The following CCDC178 variants were observed in gnomAD, a reference collection of about 807,000 sequenced individuals.
CCDC178 encodes the protein coiled-coil domain containing 178.
CCDC178 carries 126 observed loss-of-function variants against 117.4 expected under a neutral mutation model. The observed-to-expected ratio is 1.07, with a 90% CI of 0.93 to 1.24. The LOEUF (loss-of-function observed/expected upper bound fraction) is 1.24, where lower values mean the gene tolerates loss of function less well. Among genes scored for constraint, CCDC178 ranks in the 50% most tolerant of loss-of-function variants. The probability of loss-of-function intolerance (pLI) is 0.00; values close to 1 mark genes in which losing one functional copy is unlikely to be tolerated. For missense variants in CCDC178, 1,030 were observed against 986.9 expected (o/e 1.04, Z -0.59); for synonymous variants, 283 against 313.4 (o/e 0.90, Z 1.02).
At chr18:33,394,943 G>GTATATATATATATATATATA (rs61298209) in intron 4 of CCDC178, among the ~76,000 whole-genome samples, 6 of 61,498 alleles carry the variant, frequency 9.8e-5, no homozygotes, top group Admixed American at 2.4e-4. Flanking sequence ...ATATGTATGT[G>GTATATATATATATATATATA]TATATATATA....
intron 20 of CCDC178, among the ~76,000 whole-genome samples, chr18:33,115,435 G>A (rs2057843013): frequency 6.6e-6 from 1 of 151,932 alleles, no homozygotes; most frequent in African/African-American, 2.4e-5. Context: ...AGAAATAATA[G>A]TGATACCAAG....
At chr18:33,015,605 A>C (rs1452268425) in intron 21 of CCDC178, among the ~76,000 whole-genome samples, 1 of 152,016 alleles carries the variant, frequency 6.6e-6, no homozygotes, top group Non-Finnish European at 1.5e-5. Context: ...CAAAAACAGG[A>C]AACCATGGCT....
intron 2 of CCDC178, among the ~76,000 whole-genome samples, chr18:33,420,536 G>A (rs2064010433): frequency 6.6e-6 from 1 of 152,170 alleles, no homozygotes; most frequent in Middle Eastern, 3.4e-3. Context: ...TGTATTTTTA[G>A]TAGAGATGGG....
At chr18:33,139,023 G>A (rs2058163939) in intron 20 of CCDC178, among the ~76,000 whole-genome samples, 1 of 152,226 alleles carries the variant, frequency 6.6e-6, no homozygotes, top group Non-Finnish European at 1.5e-5. Flanking sequence ...GAACTCAGTG[G>A]GAGGTAATTG....
chr18:33,225,086 A>G (rs1346040659), intron 16 of CCDC178, 150 bp from the exon 17 acceptor site: 3 of 284,236 alleles, frequency 1.1e-5, no homozygotes, highest in African/African-American at 6.7e-5. Context: ...CGAATGTAAT[A>G]TATATTACAT....
chr18:33,084,248 C>T (rs763664895), intron 21 of CCDC178, among the ~76,000 whole-genome samples: 14 of 152,118 alleles, frequency 9.2e-5, no homozygotes, highest in Non-Finnish European at 1.9e-4. Context: ...GTTTTATCAG[C>T]GTCCAAAAAA....
chr18:33,084,661 A>T (rs1156231718), intron 21 of CCDC178, among the ~76,000 whole-genome samples: 2 of 151,762 alleles, frequency 1.3e-5, no homozygotes, highest in Non-Finnish European at 2.9e-5. Flanking sequence ...AAATACAAAA[A>T]ATTAGCTGGG....
At chr18:33,092,233 A>G (rs770018728) in intron 21 of CCDC178, among the ~76,000 whole-genome samples, 41 of 152,146 alleles carry the variant, frequency 2.7e-4, no homozygotes, top group Non-Finnish European at 4.9e-4. Flanking sequence ...TCTGATTCAT[A>G]GCATATTGTG....
chr18:33,186,804 T>C (rs2058800317), intron 20 of CCDC178, among the ~76,000 whole-genome samples: 1 of 152,052 alleles, frequency 6.6e-6, no homozygotes, highest in Non-Finnish European at 1.5e-5. Context: ...AGATTAGAAG[T>C]GACCAATACG....
intron 18 of CCDC178, among the ~76,000 whole-genome samples, chr18:33,216,973 G>A (rs988255466): frequency 6.6e-6 from 1 of 151,940 alleles, no homozygotes; most frequent in African/African-American, 2.4e-5. Context: ...GTTTAGATCA[G>A]ATTTCATCAT....
chr18:33,155,126 C>T (rs911571151), intron 20 of CCDC178, among the ~76,000 whole-genome samples: 1 of 152,050 alleles, frequency 6.6e-6, no homozygotes, highest in South Asian at 2.1e-4. Flanking sequence ...AATATAAGCT[C>T]CAGTAAATTA....
intron 6 of CCDC178, among the ~76,000 whole-genome samples, chr18:33,363,932 T>C (rs745846687): frequency 1.3e-5 from 2 of 152,120 alleles, no homozygotes; most frequent in Admixed American, 6.6e-5. Context: ...ACATCTTTTC[T>C]AGTACTCTCC....
intron 20 of CCDC178, among the ~76,000 whole-genome samples, chr18:33,200,735 C>A (rs1394345797): frequency 6.6e-6 from 1 of 152,158 alleles, no homozygotes; most frequent in East Asian, 1.9e-4. Context: ...TCCTGCAAGC[C>A]CCTCTTCCAG....
intron 21 of CCDC178, among the ~76,000 whole-genome samples, chr18:33,045,801 T>C (rs1449245327): frequency 6.6e-6 from 1 of 152,210 alleles, no homozygotes; most frequent in South Asian, 2.1e-4. Flanking sequence ...GCACGGTGAC[T>C]GGTGCCTGTA....
intron 12 of CCDC178, among the ~76,000 whole-genome samples, chr18:33,291,236 A>G (rs9948025): frequency 3.5e-4 from 53 of 152,286 alleles, no homozygotes; most frequent in African/African-American, 1.2e-3. Context: ...TTTATACCTG[A>G]TACTACATTA....
At chr18:33,163,292 A>G (rs780592774) in intron 20 of CCDC178, among the ~76,000 whole-genome samples, 7 of 152,172 alleles carry the variant, frequency 4.6e-5, no homozygotes, top group African/African-American at 7.2e-5. Context: ...TCAGAAGTCA[A>G]GTTAAAATAT....
chr18:33,284,258 G>A (rs2060069187), intron 12 of CCDC178, among the ~76,000 whole-genome samples: 1 of 152,070 alleles, frequency 6.6e-6, no homozygotes, highest in African/African-American at 2.4e-5. Context: ...CTATCAGAGG[G>A]TGGAGAGTGG....
At chr18:33,156,128 G>T (rs145497038) in intron 20 of CCDC178, among the ~76,000 whole-genome samples, 2 of 121,874 alleles carry the variant, frequency 1.6e-5, no homozygotes, top group East Asian at 5.1e-4. Flanking sequence ...TCGCACTGTC[G>T]CCCAGGGTGG....
intron 20 of CCDC178, among the ~76,000 whole-genome samples, chr18:33,206,677 A>T (rs1598999734): frequency 6.6e-6 from 1 of 152,190 alleles, no homozygotes; most frequent in East Asian, 1.9e-4. Flanking sequence ...CGGAAAAAAA[A>T]GAATATATTG....
Sources: allele counts gnomAD v4.1 joint callset (sites outside exome capture counted in the v4.1 genomes callset), GRCh38; gene constraint gnomAD v4.1.1; transcripts MANE v1.5; gene names NCBI Gene and HGNC (gene_info 2026-07-23, HGNC 2026-07-21).